The following VGLL4 variants were observed in gnomAD, a reference collection of about 807,000 sequenced individuals.
The protein encoded by VGLL4 is transcription cofactor vestigial-like protein 4.
In VGLL4, 7 loss-of-function variants were observed where a neutral mutation model predicts 21.0. The observed-to-expected ratio is 0.33, with a 90% confidence interval of 0.19 to 0.63. The LOEUF is 0.63. Among genes scored for constraint, VGLL4 ranks in the 20% least tolerant of loss-of-function variants. VGLL4 has a pLI of 0.78. For synonymous variants in VGLL4, 222 were observed against 173.2 expected (o/e 1.28, Z -2.21); for missense variants, 394 against 425.7 (o/e 0.93, Z 0.66).
intron 2 of VGLL4, among the ~76,000 whole-genome samples, chr3:11,664,606 C>G (rs1434488043): frequency 1.3e-5 from 2 of 152,210 alleles, no homozygotes; most frequent in African/African-American, 2.4e-5. Flanking sequence ...GCTGGAGAAT[C>G]AGGGCTGAAT....
chr3:11,616,538 C>T (rs753619485), intron 1 of VGLL4, among the ~76,000 whole-genome samples: 2 of 152,226 alleles, frequency 1.3e-5, no homozygotes, highest in Admixed American at 6.5e-5. Flanking sequence ...GCCACCCATG[C>T]TCTCTTATTG....
intron 2 of VGLL4, among the ~76,000 whole-genome samples, chr3:11,651,489 C>T (rs999158989): frequency 5.9e-5 from 9 of 151,732 alleles, no homozygotes; most frequent in Admixed American, 4.6e-4. Flanking sequence ...AGCTGAATTA[C>T]CAACCCCCCG....
intron 2 of VGLL4, among the ~76,000 whole-genome samples, chr3:11,594,157 C>A (rs9870506): frequency 0.27 from 40,459 of 152,134 alleles, 6,180 homozygotes; most frequent in African/African-American, 0.42. Flanking sequence ...ATCTTAAATA[C>A]ATGATGTGCA....
At chr3:11,559,955 A>G (rs1254758223) in intron 3 of VGLL4, among the ~76,000 whole-genome samples, 1 of 152,078 alleles carries the variant, frequency 6.6e-6, no homozygotes, top group Non-Finnish European at 1.5e-5. Flanking sequence ...TGACCTACAA[A>G]TCGGGACAGA....
intron 2 of VGLL4, among the ~76,000 whole-genome samples, chr3:11,573,484 G>C (rs1216730950): frequency 6.6e-6 from 1 of 152,150 alleles, no homozygotes; most frequent in Non-Finnish European, 1.5e-5. Context: ...AGTATTTGCA[G>C]GTCATCCACC....
At chr3:11,640,627 G>A (rs2075671781) in intron 1 of VGLL4, among the ~76,000 whole-genome samples, 1 of 152,124 alleles carries the variant, frequency 6.6e-6, no homozygotes, top group Admixed American at 6.5e-5. Context: ...TGCTAATTGT[G>A]GTTAACTTTT....
intron 2 of VGLL4, among the ~76,000 whole-genome samples, chr3:11,597,348 C>G (rs749533009): frequency 1.3e-5 from 2 of 152,116 alleles, no homozygotes; most frequent in South Asian, 4.1e-4. Context: ...AACTTCCAAA[C>G]AGACATTCAT....
chr3:11,631,164 T>C (rs1261802114), intron 1 of VGLL4, among the ~76,000 whole-genome samples: 3 of 152,158 alleles, frequency 2.0e-5, no homozygotes, highest in African/African-American at 4.8e-5. Flanking sequence ...CAACCTAATA[T>C]ATAACTGCAG....
intron 2 of VGLL4, among the ~76,000 whole-genome samples, chr3:11,583,579 A>G (rs1311607279): frequency 1.3e-5 from 2 of 152,246 alleles, no homozygotes; most frequent in Non-Finnish European, 2.9e-5. Flanking sequence ...TAAAAGCTCA[A>G]TGTGACAGTG....
intron 2 of VGLL4, among the ~76,000 whole-genome samples, chr3:11,578,751 T>TTC (rs1575407866): frequency 7.5e-6 from 1 of 132,718 alleles, no homozygotes; most frequent in South Asian, 2.5e-4. Flanking sequence ...ATATTTTCTT[T>TTC]TTTTTTTTTT....
chr3:11,656,631 G>T (rs1419900172), intron 2 of VGLL4, among the ~76,000 whole-genome samples: 1 of 152,154 alleles, frequency 6.6e-6, no homozygotes, highest in Admixed American at 6.5e-5. Context: ...GTGTGGTGTC[G>T]CATTCTCGAG....
chr3:11,561,916 T>TAAAAAAAAAAAAAAAAAAAA (rs1553719589), intron 3 of VGLL4, among the ~76,000 whole-genome samples: 2 of 148,272 alleles, frequency 1.3e-5, no homozygotes, highest in African/African-American at 5.0e-5. Flanking sequence ...TTTTTTTTTT[T>TAAAAAAAAAAAAAAAAAAAA]AAAGACAAAG....
At chr3:11,659,239 T>C (rs2346021) in intron 2 of VGLL4, among the ~76,000 whole-genome samples, 77,877 of 150,854 alleles carry the variant, frequency 0.52, 21,589 homozygotes, top group Non-Finnish European at 0.62. Flanking sequence ...GGGCAGAACA[T>C]AAGACCTACA....
At chr3:11,640,460 C>A (rs187508914) in intron 1 of VGLL4, among the ~76,000 whole-genome samples, 1 of 152,190 alleles carries the variant, frequency 6.6e-6, no homozygotes, top group East Asian at 1.9e-4. Context: ...TTGCTGAGTA[C>A]GGTAGTAATA....
intron 1 of VGLL4, among the ~76,000 whole-genome samples, chr3:11,602,807 G>C (rs2074839815): frequency 6.6e-6 from 1 of 152,176 alleles, no homozygotes; most frequent in Non-Finnish European, 1.5e-5. Flanking sequence ...GTGCCTCGCT[G>C]TGAATTAAAA....
At chr3:11,676,300 T>C (rs2076288257) in intron 2 of VGLL4, among the ~76,000 whole-genome samples, 1 of 151,676 alleles carries the variant, frequency 6.6e-6, no homozygotes, top group Non-Finnish European at 1.5e-5. Flanking sequence ...GGCAGAAGAA[T>C]GGCGTGAACC....
intron 1 of VGLL4, among the ~76,000 whole-genome samples, chr3:11,709,986 C>A (rs1287381910): frequency 3.3e-5 from 5 of 152,108 alleles, no homozygotes; most frequent in Non-Finnish European, 7.3e-5. Context: ...CTGGTGAGAC[C>A]TCAGGAAGCT....
chr3:11,648,703 A>G (rs566189166), upstream of VGLL4, among the ~76,000 whole-genome samples: 2 of 152,358 alleles, frequency 1.3e-5, no homozygotes, highest in Non-Finnish European at 2.9e-5. Flanking sequence ...AGAACAAAGG[A>G]AAAAATTGAA....
intron 1 of VGLL4, among the ~76,000 whole-genome samples, chr3:11,607,705 T>G (rs1382993807): frequency 6.6e-6 from 1 of 152,202 alleles, no homozygotes; most frequent in Non-Finnish European, 1.5e-5. Flanking sequence ...CACACTAAAC[T>G]ATTAAACAAT....
Sources: gnomAD v4.1 joint callset for allele counts (sites outside exome capture counted in the v4.1 genomes callset) on GRCh38, gnomAD v4.1.1 for gene constraint, MANE v1.5 for transcripts, NCBI Gene and HGNC (gene_info 2026-07-23, HGNC 2026-07-21) for gene names.